The following TRNAU1AP variants were observed in gnomAD, a reference collection of about 807,000 sequenced individuals.
TRNAU1AP encodes tRNA selenocysteine 1-associated protein 1.
Under a neutral mutation model 43.3 loss-of-function variants are expected in TRNAU1AP, and 33 were observed. The ratio of observed to expected loss-of-function variants is 0.76; its 90% CI spans 0.58 to 1.02. TRNAU1AP has a LOEUF of 1.02. TRNAU1AP is among the 50% of genes least tolerant of loss of function. The pLI, the probability that TRNAU1AP is intolerant of heterozygous loss-of-function variation, is 0.00. For missense variants in TRNAU1AP, 290 were observed against 362.7 expected (o/e 0.80, Z 1.63); for synonymous variants, 143 against 129.1 (o/e 1.11, Z -0.73).
In TRNAU1AP at chr1:28,571,912, T is replaced by TA. The variant is rs1665669899; in HGVS notation, c.727+13dup. ...TGATGCATTGGAAGGTAAGGGTTCA[T>TA]ACGTTCCTTACTCTGTCAGCCATTA... On this transcript the variant is annotated intron_variant, in intron 8 of 8. Transcript: ENST00000373830. 1.2e-6 allele frequency: 2 copies of TA among 1,610,988 alleles called. No individual in the cohort carries two copies. The highest frequency in any genetic ancestry group is 2.7e-5 in the African/African-American group (2 of 74,840).
At chr1:28,576,576 C>G (rs1162182564) in intron 8 of TRNAU1AP, among the ~76,000 whole-genome samples, 1 of 151,874 alleles carries the variant, frequency 6.6e-6, no homozygotes, top group Non-Finnish European at 1.5e-5. Flanking sequence ...CTTGGCCTCC[C>G]AAAGTGCTGG....
Position 28,564,745 on chromosome 1 carries a change from G to A in TRNAU1AP, c.321G>A (p.Val107=), listed in dbSNP as rs145363074. 2.9e-5 allele frequency: 47 copies of A among 1,614,126 alleles called. No individual in the cohort carries two copies. In the Middle Eastern group the frequency reaches 4.9e-4, roughly 17 times the overall value. ...TTGTGGGGGACCTGACCCCGGACGT[G>A]GATGATGGCATGCTGTATGAATTCT... The part of the protein sequence containing the change: ...SLFVGDLTPD[V]DDGMLYEFFV... The change falls in exon 5 of 9, where the codon GTG becomes GTA. Residue 107 remains valine, a synonymous_variant. Transcript: ENST00000373830.
In TRNAU1AP at chr1:28,577,076, A is replaced by G. The variant is rs570290439; in HGVS notation, c.728-424A>G. Among the ~76,000 whole-genome samples the G allele has an allele frequency of 2.1e-4, 32 of 152,246 alleles. No homozygotes were observed. The East Asian group carries it at 5.2e-3, about 25-fold the overall frequency. On this transcript the variant is annotated intron_variant, in intron 8 of 8. Coordinates refer to ENST00000373830, the MANE Select transcript of TRNAU1AP (RefSeq NM_017846.5). ...GCAAGACCCTTTCTCTAAAGTACAT[A>G]CACACACACATACATACATACAGGA...
At chr1:28,562,416 A>G (rs1665431626) in intron 4 of TRNAU1AP, among the ~76,000 whole-genome samples, 1 of 152,190 alleles carries the variant, frequency 6.6e-6, no homozygotes, top group Non-Finnish European at 1.5e-5. Flanking sequence ...TATTGGCAAT[A>G]TGTTGAAAAT....
chr1:28,574,572 T>C (rs1209150520), intron 8 of TRNAU1AP: 1 of 152,068 alleles, frequency 6.6e-6, no homozygotes, highest in Non-Finnish European at 1.5e-5. Flanking sequence ...TGGCTATTTT[T>C]TTCTATTTTT....
At chr1:28,557,801 A>C (rs1308164612) in intron 2 of TRNAU1AP, among the ~76,000 whole-genome samples, 3 of 151,846 alleles carry the variant, frequency 2.0e-5, no homozygotes, top group Admixed American at 6.6e-5. Context: ...GTTGGCCAGG[A>C]TAGTCTCGAT....
intron 8 of TRNAU1AP, among the ~76,000 whole-genome samples, chr1:28,576,844 C>T (rs1665796790): frequency 6.6e-6 from 1 of 152,180 alleles, no homozygotes; most frequent in Admixed American, 6.6e-5. Context: ...GGTGATCTGC[C>T]CGCCTCGACC....
intron 5 of TRNAU1AP, chr1:28,565,755 C>T (rs1208446297): frequency 6.6e-6 from 1 of 151,120 alleles, no homozygotes; most frequent in African/African-American, 2.4e-5. Flanking sequence ...CAACTGTGCT[C>T]CAGCCTGGGT....
At position 28,560,714 on chromosome 1, in the gene TRNAU1AP, C is replaced by T. The variant is rs568489685; in HGVS notation, c.207C>T (p.Pro69=). 5.5e-5 allele frequency: 88 copies of T among 1,613,876 alleles called. No individual in the cohort carries two copies. The South Asian group carries it at 9.7e-4, about 18-fold the overall frequency. Reference sequence around the variant, plus strand: ...GTTTGCATAAAATTAATGGGAAACCCCTTCCAGGAGCCACACCTGTAAGGA... The same window carrying T: ...GTTTGCATAAAATTAATGGGAAACCTCTTCCAGGAGCCACACCTGTAAGGA... The part of the protein sequence containing the change: ...EKCLHKINGK[P]LPGATPAKRF... Residue 69 remains proline (P), a synonymous_variant, in exon 3 of 9, where the codon CCC becomes CCT. Coordinates refer to ENST00000373830, the MANE Select transcript of TRNAU1AP (RefSeq NM_017846.5).
chr1:28,574,245 G>T (rs1328955386), intron 8 of TRNAU1AP, among the ~76,000 whole-genome samples: 1 of 151,780 alleles, frequency 6.6e-6, no homozygotes, highest in Non-Finnish European at 1.5e-5. Context: ...GCACCACCAC[G>T]CTCGGCTAAT....
At chr1:28,564,442 C>T (rs1446795357) in intron 4 of TRNAU1AP, among the ~76,000 whole-genome samples, 1 of 152,114 alleles carries the variant, frequency 6.6e-6, no homozygotes, top group East Asian at 1.9e-4. Context: ...GCACTTCTGA[C>T]CCCATCCACA....
At chr1:28,562,685 G>A (rs375187978) in intron 4 of TRNAU1AP, among the ~76,000 whole-genome samples, 5 of 150,256 alleles carry the variant, frequency 3.3e-5, no homozygotes, top group East Asian at 2.0e-4. Flanking sequence ...GGTTCATGCC[G>A]TTCTCCTGCC....
intron 2 of TRNAU1AP, among the ~76,000 whole-genome samples, chr1:28,556,372 G>A (rs1665264202): frequency 6.6e-6 from 1 of 151,704 alleles, no homozygotes; most frequent in Non-Finnish European, 1.5e-5. Context: ...GCTGAGGAAG[G>A]AGAATCGTTT....
chr1:28,567,939 G>A (rs546084323), intron 6 of TRNAU1AP, among the ~76,000 whole-genome samples: 296 of 152,190 alleles, frequency 1.9e-3, no homozygotes, highest in African/African-American at 6.7e-3. Context: ...TGAGGTGGGC[G>A]GATCACCTGA....
intron 6 of TRNAU1AP, among the ~76,000 whole-genome samples, 179 bp from the exon 7 acceptor site, chr1:28,570,997 G>T (rs558437333): frequency 6.6e-6 from 1 of 152,120 alleles, no homozygotes; most frequent in African/African-American, 2.4e-5. Flanking sequence ...CCCGGGAGGC[G>T]CAGGTTGCAG....
At position 28,564,772 on chromosome 1, in the gene TRNAU1AP, CGTCAAAGTCTACCCCTCCT is replaced by C; in HGVS notation, c.352_370del (p.Lys118GlyfsTer19). ...ATGATGGCATGCTGTATGAATTCTT[CGTCAAAGTCTACCCCTCCT>C]GTCGGGGAGGCAAGGTGGTTTTGGA... is the stretch of plus-strand genomic sequence containing the variant. On this transcript the variant is annotated frameshift_variant, in exon 5 of 9. Transcript: ENST00000373830. LOFTEE classifies it high-confidence loss of function. 6.2e-7 allele frequency: 1 copy of C among 1,614,148 alleles called. No individual in the cohort carries two copies. The highest frequency in any genetic ancestry group is 8.5e-7 in the Non-Finnish European group (1 of 1,180,020).
intron 8 of TRNAU1AP, among the ~76,000 whole-genome samples, chr1:28,575,442 C>T (rs946741352): frequency 5.9e-5 from 9 of 151,294 alleles, no homozygotes; most frequent in Non-Finnish European, 8.8e-5. Context: ...TGAACCACTG[C>T]GCCAGGCCCA....
chr1:28,572,890 G>A (rs1344682574), intron 8 of TRNAU1AP, among the ~76,000 whole-genome samples: 10 of 151,642 alleles, frequency 6.6e-5, no homozygotes, highest in East Asian at 3.9e-4. Context: ...AGCCGAGATC[G>A]CACCAATGGG....
At chr1:28,561,523 T>A in intron 4 of TRNAU1AP, 125 bp downstream of exon 4, 1 of 1,074,572 alleles carries the variant, frequency 9.3e-7, no homozygotes, top group Non-Finnish European at 1.4e-6. Flanking sequence ...CTCTTCTCCC[T>A]TCCTTGCTGG....
Sources: gnomAD v4.1 joint callset for allele counts (sites outside exome capture counted in the v4.1 genomes callset) on GRCh38, gnomAD v4.1.1 for gene constraint, MANE v1.5 for transcripts, NCBI Gene and HGNC (gene_info 2026-07-23, HGNC 2026-07-21) for gene names.